The following FRRS1 variants were observed in gnomAD, a reference collection of about 807,000 sequenced individuals.
FRRS1 encodes the protein ferric chelate reductase 1.
FRRS1 carries 51 observed loss-of-function variants against 70.7 expected under a neutral mutation model. The observed-to-expected ratio is 0.72, with a 90% CI of 0.58 to 0.91. The LOEUF is 0.91. Ranked by LOEUF, FRRS1 falls within the 40% of genes least tolerant of loss-of-function variation. FRRS1 has a pLI of 0.00. For missense variants in FRRS1, 672 were observed against 726.0 expected, an observed-to-expected ratio of 0.93 and a Z score of 0.86; for synonymous variants, 225 against 238.7, an observed-to-expected ratio of 0.94 and a Z score of 0.53.
chr1:99,765,259 A>G (rs1478612560), intron 1 of FRRS1: 3 of 152,234 alleles, frequency 2.0e-5, no homozygotes, highest in Non-Finnish European at 2.9e-5. Flanking sequence ...TTAAGCCCCC[A>G]ACTTCAGTTC....
chr1:99,743,650 T>G (rs1010503592), intron 4 of FRRS1, among the ~76,000 whole-genome samples: 1 of 152,200 alleles, frequency 6.6e-6, no homozygotes, highest in Non-Finnish European at 1.5e-5. Flanking sequence ...AATGCAGTAT[T>G]AAATCATAAC....
chr1:99,709,678 A>C (rs953574904), intron 15 of FRRS1, among the ~76,000 whole-genome samples: 3 of 152,202 alleles, frequency 2.0e-5, no homozygotes, highest in Non-Finnish European at 4.4e-5. Flanking sequence ...TTTAGACAGT[A>C]AGCCATCAGC....
At chr1:99,747,203 C>A in intron 4 of FRRS1, 91 bp downstream of exon 4, 1 of 1,027,834 alleles carries the variant, frequency 9.7e-7, no homozygotes, top group South Asian at 1.6e-5. Flanking sequence ...TGGGGGGAGT[C>A]AAAAGTTATA....
chr1:99,744,298 GGTC>G (rs759746695), intron 4 of FRRS1, among the ~76,000 whole-genome samples: 58 of 152,178 alleles, frequency 3.8e-4, no homozygotes, highest in African/African-American at 1.4e-3. Flanking sequence ...GAAGGTGAAG[GGTC>G]TAAAGCTGGA....
In FRRS1 at chr1:99,745,139, G is replaced by C. The variant is rs192953792; in HGVS notation, c.333+2155C>G. On this transcript the variant is annotated intron_variant, in intron 4 of 16. Transcript: ENST00000646001. ...AAGAGAAGCAAGCACCAGGATTTAA[G>C]GCAAGAAAGAGCAGGCTATCTCTAC... is the stretch of plus-strand genomic sequence containing the variant. 3.9e-5 allele frequency among the ~76,000 whole-genome samples: 6 copies of C among 152,276 alleles called. No homozygotes were observed. In the East Asian group the frequency reaches 1.2e-3, roughly 29 times the overall value.
chr1:99,719,070 C>CAA (rs57652002), intron 10 of FRRS1, among the ~76,000 whole-genome samples: 1 of 147,466 alleles, frequency 6.8e-6, no homozygotes. Flanking sequence ...ACAGCTGTGT[C>CAA]AAAAAAAAAA....
At chr1:99,715,188 A>G (rs768298547) in intron 12 of FRRS1, among the ~76,000 whole-genome samples, 2 of 152,168 alleles carry the variant, frequency 1.3e-5, no homozygotes, top group African/African-American at 2.4e-5. Context: ...CATATAAAGC[A>G]CTTAGCACCG....
At chr1:99,747,539 C>A in intron 3 of FRRS1, 109 bp from the exon 4 acceptor site, 1 of 1,014,174 alleles carries the variant, frequency 9.9e-7, no homozygotes, top group Admixed American at 2.7e-5. Context: ...AAAAGTACTC[C>A]TGGAGAGAAA....
chr1:99,763,303 T>C (rs550270773), intron 1 of FRRS1, among the ~76,000 whole-genome samples: 1 of 152,020 alleles, frequency 6.6e-6, no homozygotes, highest in African/African-American at 2.4e-5. Flanking sequence ...AGGAATTTGG[T>C]TAAATTCCTG....
intron 9 of FRRS1, among the ~76,000 whole-genome samples, chr1:99,723,847 T>C (rs1408751729): frequency 6.6e-6 from 1 of 152,222 alleles, no homozygotes; most frequent in African/African-American, 2.4e-5. Flanking sequence ...TATTTTACCA[T>C]GGCTTCTTAT....
chr1:99,730,853 C>A (rs1295664443), intron 7 of FRRS1, among the ~76,000 whole-genome samples: 2 of 123,894 alleles, frequency 1.6e-5, no homozygotes, highest in Non-Finnish European at 3.2e-5. Context: ...GGCAACAGAG[C>A]GAAACTCAGT....
intron 12 of FRRS1, among the ~76,000 whole-genome samples, chr1:99,715,127 G>A (rs138590562): frequency 0.023 from 3,573 of 152,204 alleles, 148 homozygotes; most frequent in African/African-American, 0.082. Context: ...AAAGTGCTGG[G>A]ATGACAAGTG....
chr1:99,717,516 A>T lies in FRRS1; in HGVS notation c.1130T>A (p.Met377Lys). The change falls in exon 11 of 17, where the codon ATG becomes AAG. Residue 377 changes from methionine (M) to lysine (K), a missense_variant. Coordinates refer to ENST00000646001, the MANE Select transcript of FRRS1 (RefSeq NM_001361041.2). ...AACAGTAGTCATCCATGCCACAAAC[A>T]TTAAGGCACCTACAAGTGAGATAAA... ...VLLLKVHGALMFVAWMTTVSI... is the reference protein window; with the variant it reads ...VLLLKVHGALKFVAWMTTVSI... 1 of 1,608,952 alleles carries T rather than the reference A, an allele frequency of 6.2e-7. No individual in the cohort carries two copies. Among genetic ancestry groups the T allele is most frequent in the Non-Finnish European group, 8.5e-7 (1 of 1,175,270 alleles).
In FRRS1 at chr1:99,709,231, C is replaced by T; in HGVS notation, c.1653G>A (p.Gln551=). Residue 551 remains glutamine (Q), a synonymous_variant, in exon 16 of 17, where the codon CAG becomes CAA. Coordinates refer to ENST00000646001, the MANE Select transcript of FRRS1 (RefSeq NM_001361041.2). ...CCACTGCAGTAAATGACTGAAGGATCTGAATTCTGTCATCATCCAATATTT... is the reference window on the plus strand; with the variant it reads ...CCACTGCAGTAAATGACTGAAGGATTTGAATTCTGTCATCATCCAATATTT... ...KVEILDDDRI[Q]ILQSFTAVET... is the part of the protein sequence containing the mutation. The T allele has an allele frequency of 6.2e-7, 1 of 1,610,012 alleles. No individual in the cohort carries two copies. Among genetic ancestry groups the T allele is most frequent in the Non-Finnish European group, 8.5e-7 (1 of 1,176,398 alleles).
chr1:99,732,232 C>G (rs1655426968), intron 7 of FRRS1, among the ~76,000 whole-genome samples: 1 of 152,082 alleles, frequency 6.6e-6, no homozygotes, highest in Admixed American at 6.6e-5. Context: ...CCAGGCAGTT[C>G]TAGAAACCTC....
chr1:99,723,349 CTACAAAAAA>C (rs1057357921), intron 9 of FRRS1, among the ~76,000 whole-genome samples: 1 of 152,054 alleles, frequency 6.6e-6, no homozygotes, highest in Admixed American at 6.5e-5. Flanking sequence ...GACCCCATTT[CTACAAAAAA>C]TACAAAAAAT....
At chr1:99,737,919 T>C (rs946091617) in intron 7 of FRRS1, among the ~76,000 whole-genome samples, 167 bp downstream of exon 7, 2 of 152,176 alleles carry the variant, frequency 1.3e-5, no homozygotes, top group Non-Finnish European at 2.9e-5. Flanking sequence ...ATTTTTGTAT[T>C]TTTAGTAGAG....
At chr1:99,749,442 T>C (rs10875252) in intron 1 of FRRS1, among the ~76,000 whole-genome samples, 30,545 of 152,170 alleles carry the variant, frequency 0.2, 3,177 homozygotes, top group East Asian at 0.27. Flanking sequence ...AAGCAAAAGG[T>C]TTTACTCCAC....
chr1:99,718,239 TC>T (rs1654629025), intron 10 of FRRS1, among the ~76,000 whole-genome samples: 1 of 152,194 alleles, frequency 6.6e-6, no homozygotes, highest in African/African-American at 2.4e-5. Flanking sequence ...TACTTTTAAA[TC>T]CCATCTTTTT....
Sources: allele counts gnomAD v4.1 joint callset (sites outside exome capture counted in the v4.1 genomes callset), GRCh38; gene constraint gnomAD v4.1.1; transcripts MANE v1.5; gene names NCBI Gene and HGNC (gene_info 2026-07-23, HGNC 2026-07-21).